The following SH3GL3 variants were observed in gnomAD, a reference collection of about 807,000 sequenced individuals.
SH3GL3 encodes endophilin-A3.
In SH3GL3, 33 loss-of-function variants were observed where a neutral mutation model predicts 47.7. That is an observed-to-expected ratio of 0.69 (90% CI 0.52 to 0.92). The LOEUF (loss-of-function observed/expected upper bound fraction) is 0.92, where lower values mean the gene tolerates loss of function less well. SH3GL3 is among the 40% of genes least tolerant of loss of function. The probability of loss-of-function intolerance (pLI) is 0.00; values close to 1 mark genes in which losing one functional copy is unlikely to be tolerated. For synonymous variants in SH3GL3, 155 were observed against 148.8 expected (o/e 1.04, Z -0.30); for missense variants, 363 against 417.8 (o/e 0.87, Z 1.14).
chr15:83,505,030 A>G (rs2042437599), intron 1 of SH3GL3, among the ~76,000 whole-genome samples: 1 of 152,184 alleles, frequency 6.6e-6, no homozygotes, highest in Non-Finnish European at 1.5e-5. Context: ...GATATTAGGC[A>G]TATCCCTATA....
At chr15:83,576,783 T>A in intron 6 of SH3GL3, 42 bp downstream of exon 6, 1 of 1,343,668 alleles carries the variant, frequency 7.4e-7, no homozygotes, top group Non-Finnish European at 1.0e-6. Flanking sequence ...TGTAAATGAA[T>A]GAAACATTGA....
intron 8 of SH3GL3, among the ~76,000 whole-genome samples, chr15:83,604,658 C>A (rs1319477184): frequency 1.3e-5 from 2 of 152,114 alleles, no homozygotes; most frequent in African/African-American, 4.8e-5. Context: ...CACTTATTGG[C>A]TACTTACTAT....
At chr15:83,543,709 A>G (rs1378880081) in intron 1 of SH3GL3, among the ~76,000 whole-genome samples, 2 of 152,028 alleles carry the variant, frequency 1.3e-5, no homozygotes, top group African/African-American at 4.8e-5. Context: ...TCATTAGCCT[A>G]TTCAGACTTT....
intron 1 of SH3GL3, among the ~76,000 whole-genome samples, chr15:83,498,965 C>T (rs992926715): frequency 1.3e-5 from 2 of 152,172 alleles, no homozygotes; most frequent in Non-Finnish European, 2.9e-5. Context: ...ATAAGCTTCT[C>T]CTCCACCTCC....
intron 1 of SH3GL3, among the ~76,000 whole-genome samples, chr15:83,558,248 T>G (rs2151738930): frequency 6.6e-6 from 1 of 152,258 alleles, no homozygotes; most frequent in Non-Finnish European, 1.5e-5. Context: ...TTCTAAAGGG[T>G]TTCTCTGTGT....
At chr15:83,490,842 A>G (rs775164266) in intron 1 of SH3GL3, 1 of 1,614,210 alleles carries the variant, frequency 6.2e-7, no homozygotes, top group Non-Finnish European at 8.5e-7. Flanking sequence ...GAATGGATGG[A>G]ATCTTTGCTG....
At chr15:83,572,810 T>G in intron 5 of SH3GL3, 112 bp downstream of exon 5, 2 of 765,934 alleles carry the variant, frequency 2.6e-6, no homozygotes, top group South Asian at 3.9e-5. Context: ...TGCTTGTGGG[T>G]AGGGTAAAAA....
chr15:83,542,152 G>A (rs1008044694), intron 1 of SH3GL3, among the ~76,000 whole-genome samples: 15 of 152,162 alleles, frequency 9.9e-5, no homozygotes, highest in African/African-American at 3.4e-4. Context: ...TGTATATGGT[G>A]AGAGATAGGG....
chr15:83,473,440 AT>A (rs2040929596), intron 1 of SH3GL3, among the ~76,000 whole-genome samples: 1 of 151,556 alleles, frequency 6.6e-6, no homozygotes, highest in South Asian at 2.1e-4. Flanking sequence ...TAGAGCAGTT[AT>A]TGTCTAAAAG....
At chr15:83,607,784 G>A (rs748723338) in intron 8 of SH3GL3, among the ~76,000 whole-genome samples, 1 of 151,578 alleles carries the variant, frequency 6.6e-6, no homozygotes. Flanking sequence ...TGGCCAGAAA[G>A]CCAACTCTAA....
downstream of SH3GL3, among the ~76,000 whole-genome samples, chr15:83,619,745 C>T (rs748868736): frequency 6.6e-6 from 1 of 152,280 alleles, no homozygotes; most frequent in Non-Finnish European, 1.5e-5. Context: ...ATATTGATAG[C>T]CACTGACTGA....
intron 1 of SH3GL3, among the ~76,000 whole-genome samples, chr15:83,530,934 A>G (rs1293684118): frequency 6.6e-6 from 1 of 152,212 alleles, no homozygotes; most frequent in Non-Finnish European, 1.5e-5. Context: ...ACACAAAGAA[A>G]GACAGCAAAT....
rs139700219 is a variant in SH3GL3, at chr15:83,475,541, T to C, written c.45+27963T>C. Among the ~76,000 whole-genome samples the C allele has an allele frequency of 2.8e-3, 422 of 152,266 alleles. 6 individuals carry two copies. The highest frequency in any genetic ancestry group is 4.3e-3 in the Non-Finnish European group (294 of 68,008). On this transcript the variant is annotated intron_variant, in intron 1 of 8. Transcript: ENST00000427482. ...AAAAGTTAACTAGCATTCCTGAATTTTACCCATCCTGGATCTCTGCTATTC... is the reference window on the plus strand; with the variant it reads ...AAAAGTTAACTAGCATTCCTGAATTCTACCCATCCTGGATCTCTGCTATTC...
At chr15:83,489,294 C>T (rs1355585607) in intron 1 of SH3GL3, 2 of 152,162 alleles carry the variant, frequency 1.3e-5, no homozygotes, top group Non-Finnish European at 2.9e-5. Context: ...TCAAGCTGCA[C>T]CATAAAGCTA....
At position 83,489,130 on chromosome 15, in the gene SH3GL3, G is replaced by T. The variant is rs565105428; in HGVS notation, c.45+41552G>T. The T allele has an allele frequency of 2.0e-5, 3 of 152,286 alleles. No individual in the cohort carries two copies. In the East Asian group the frequency reaches 5.8e-4, roughly 29 times the overall value. 9.4% of individuals were successfully genotyped at this position (152,286 alleles called of 1,614,324 possible). ...CCATCTGCTTTTCAGTTTATGGAAG[G>T]CTTCGTTTCTTCTGACGGCATTCTG... is the stretch of plus-strand genomic sequence containing the variant. On this transcript the variant is annotated intron_variant, in intron 1 of 8. Transcript: ENST00000427482.
chr15:83,570,260 C>G (rs530825534), intron 4 of SH3GL3, among the ~76,000 whole-genome samples: 159 of 152,112 alleles, frequency 1.0e-3, no homozygotes, highest in Non-Finnish European at 2.0e-3. Context: ...AAAAGTCCAA[C>G]TTTCTCCTGA....
chr15:83,596,958 T>C (rs1371195543), intron 8 of SH3GL3, among the ~76,000 whole-genome samples: 1 of 152,182 alleles, frequency 6.6e-6, no homozygotes, highest in Non-Finnish European at 1.5e-5. Context: ...CTTCTTACTT[T>C]ATTCTTTGAT....
chr15:83,617,228 G>A (rs970609032), intron 8 of SH3GL3, among the ~76,000 whole-genome samples: 1 of 152,208 alleles, frequency 6.6e-6, no homozygotes, highest in African/African-American at 2.4e-5. Context: ...ATTCTGGTCT[G>A]TAAATATTCT....
the SH3GL3 span, among the ~76,000 whole-genome samples, chr15:83,632,762 G>A: frequency 1.3e-5 from 2 of 152,220 alleles, no homozygotes; most frequent in Admixed American, 6.5e-5. Context: ...TGACATGTAC[G>A]GATTATGGGA....
Sources: allele counts gnomAD v4.1 joint callset (sites outside exome capture counted in the v4.1 genomes callset), GRCh38; gene constraint gnomAD v4.1.1; transcripts MANE v1.5; gene names NCBI Gene and HGNC (gene_info 2026-07-23, HGNC 2026-07-21).